Variants in CTSO observed in about 807,000 individuals in gnomAD.
CTSO encodes the protein cathepsin O.
CTSO carries 40 observed loss-of-function variants against 42.4 expected under a neutral mutation model. The observed-to-expected ratio is 0.94, with a 90% CI of 0.73 to 1.23. The LOEUF is 1.23. Among genes scored for constraint, CTSO ranks in the 50% most tolerant of loss-of-function variants. The pLI is 0.00. For synonymous variants in CTSO, 156 were observed against 146.2 expected (o/e 1.07, Z -0.48); for missense variants, 441 against 396.0 (o/e 1.11, Z -0.96).
At chr4:155,929,797 T>C (rs1483881815) in intron 5 of CTSO, 92 bp from the exon 6 acceptor site, 1 of 1,260,868 alleles carries the variant, frequency 7.9e-7, no homozygotes, top group Non-Finnish European at 1.1e-6. Flanking sequence ...TCTGAGTAGG[T>C]TTGGTTGCAG....
At position 155,925,782 on chromosome 4, in the gene CTSO, T is replaced by C. The variant is rs539635617; in HGVS notation, c.*254A>G. 6 of 430,800 alleles carry C rather than the reference T, an allele frequency of 1.4e-5. No individual in the cohort carries two copies. The highest frequency in any genetic ancestry group is 8.2e-5 in the African/African-American group (4 of 48,758). The allele number at this position is 430,800 out of a possible 1,614,324, so 26.7% of individuals were successfully genotyped here. On this transcript the variant is annotated 3_prime_UTR_variant, in exon 8 of 8. Transcript: ENST00000433477. ...GCCTAAAATATCTCCTAATCTGAATTTCGTCTCAGGACAGGAAACTATTCC... is the reference window on the plus strand; with the variant it reads ...GCCTAAAATATCTCCTAATCTGAATCTCGTCTCAGGACAGGAAACTATTCC...
At position 155,931,879 on chromosome 4, in the gene CTSO, T is replaced by C. The variant is rs1743240842; in HGVS notation, c.675-2174A>G. 2.0e-5 allele frequency among the ~76,000 whole-genome samples: 3 copies of C among 151,492 alleles called. No homozygotes were observed. The South Asian group carries it at 6.2e-4, about 31-fold the overall frequency. ...ATTATTATAATGAATGGAATAATAATAATAGTTCAAATAATTTTCCTAAAT... is the reference window on the plus strand; with the variant it reads ...ATTATTATAATGAATGGAATAATAACAATAGTTCAAATAATTTTCCTAAAT... On this transcript the variant is annotated intron_variant, in intron 5 of 7. Coordinates refer to ENST00000433477, the MANE Select transcript of CTSO (RefSeq NM_001334.3).
intron 5 of CTSO, among the ~76,000 whole-genome samples, chr4:155,936,019 G>A (rs1009579846): frequency 6.6e-6 from 1 of 151,232 alleles, no homozygotes; most frequent in Non-Finnish European, 1.5e-5. Context: ...CCATGATAAG[G>A]GATTCCCTTA....
In CTSO at chr4:155,939,064, C is replaced by T. The variant is rs576476648; in HGVS notation, c.552+307G>A. Among the ~76,000 whole-genome samples the T allele has an allele frequency of 2.0e-4, 31 of 152,008 alleles. No homozygotes were observed. In the South Asian group the frequency reaches 4.8e-3, roughly 23 times the overall value. Reference sequence around the variant, plus strand: ...TAAAAAAAATATATTCTCATCTTTCCGGGATATTATGAGATATTCAGATCT... The same window carrying T: ...TAAAAAAAATATATTCTCATCTTTCTGGGATATTATGAGATATTCAGATCT... On this transcript the variant is annotated intron_variant, in intron 4 of 7. Transcript: ENST00000433477.
chr4:155,949,187 G>C (rs2334112), intron 1 of CTSO, among the ~76,000 whole-genome samples: 135,425 of 152,194 alleles, frequency 0.89, 61,813 homozygotes, highest in East Asian at 1. Flanking sequence ...GCTAACATTA[G>C]CCCTCTTCAC....
chr4:155,934,360 C>T (rs1266050597), intron 5 of CTSO, among the ~76,000 whole-genome samples: 1 of 152,230 alleles, frequency 6.6e-6, no homozygotes, highest in Non-Finnish European at 1.5e-5. Context: ...GCAGGGCCCT[C>T]ATGGAAAACC....
At chr4:155,930,526 T>C (rs1432527032) in intron 5 of CTSO, among the ~76,000 whole-genome samples, 1 of 152,206 alleles carries the variant, frequency 6.6e-6, no homozygotes, top group Non-Finnish European at 1.5e-5. Context: ...CAAATCATTA[T>C]TTACACTTTT....
At chr4:155,934,386 CA>C in intron 5 of CTSO, among the ~76,000 whole-genome samples, 2 of 152,316 alleles carry the variant, frequency 1.3e-5, no homozygotes, top group Middle Eastern at 6.8e-3. Context: ...TAGCGCAGTG[CA>C]GAAGAAAAAT....
intron 2 of CTSO, 66 bp from the exon 3 acceptor site, chr4:155,942,522 C>CAT (rs1316283041): frequency 1.4e-6 from 1 of 702,650 alleles, no homozygotes; most frequent in Non-Finnish European, 1.9e-6. Context: ...TTATATATAT[C>CAT]ATATATATTT....
At chr4:155,932,881 A>C (rs1444002834) in intron 5 of CTSO, among the ~76,000 whole-genome samples, 2 of 152,056 alleles carry the variant, frequency 1.3e-5, no homozygotes, top group African/African-American at 2.4e-5. Context: ...TAGACTTTCA[A>C]GTTTCATTAA....
At chr4:155,928,620 C>G (rs1743173591) in intron 6 of CTSO, among the ~76,000 whole-genome samples, 192 bp from the exon 7 acceptor site, 1 of 152,108 alleles carries the variant, frequency 6.6e-6, no homozygotes, top group African/African-American at 2.4e-5. Context: ...CGGACACTCT[C>G]CAATCAGTAG....
At chr4:155,935,702 A>G (rs1743318164) in intron 5 of CTSO, among the ~76,000 whole-genome samples, 1 of 152,082 alleles carries the variant, frequency 6.6e-6, no homozygotes, top group Non-Finnish European at 1.5e-5. Context: ...GTCTGTCTCA[A>G]TTACTAATGA....
At chr4:155,941,624 A>G (rs1743431104) in intron 3 of CTSO, among the ~76,000 whole-genome samples, 1 of 151,984 alleles carries the variant, frequency 6.6e-6, no homozygotes, top group Admixed American at 6.6e-5. Flanking sequence ...CTTTTAAAAC[A>G]TATGTCATTG....
At chr4:155,943,355 T>C (rs1743475011) in intron 1 of CTSO, 91 bp from the exon 2 acceptor site, 3 of 679,660 alleles carry the variant, frequency 4.4e-6, no homozygotes, top group South Asian at 4.5e-5. Context: ...TTTTCAATTA[T>C]AAAGTTAAAG....
chr4:155,937,576 A>G (rs1743351713), intron 4 of CTSO, 93 bp from the exon 5 acceptor site: 4 of 1,142,570 alleles, frequency 3.5e-6, no homozygotes, highest in Non-Finnish European at 5.2e-6. Flanking sequence ...GTTCAATTTC[A>G]CACACCTTCA....
intron 1 of CTSO, among the ~76,000 whole-genome samples, chr4:155,947,119 C>T (rs1246530048): frequency 6.6e-6 from 1 of 152,188 alleles, no homozygotes; most frequent in Non-Finnish European, 1.5e-5. Context: ...CTCAGCCTCT[C>T]AGAGTGCTGG....
chr4:155,946,658 C>A (rs188214753), intron 1 of CTSO, among the ~76,000 whole-genome samples: 19 of 152,154 alleles, frequency 1.2e-4, no homozygotes, highest in Non-Finnish European at 1.5e-5. Flanking sequence ...CATTTCACAG[C>A]TCTCCATAGC....
Position 155,952,902 on chromosome 4 carries a change from A to G in CTSO, c.135+811T>C, listed in dbSNP as rs546981096. 3.3e-5 allele frequency among the ~76,000 whole-genome samples: 5 copies of G among 152,276 alleles called. No individual in the cohort carries two copies. In the South Asian group the frequency reaches 1.0e-3, roughly 32 times the overall value. On this transcript the variant is annotated intron_variant, in intron 1 of 7. Transcript: ENST00000433477. The stretch of plus-strand genomic sequence containing the variant: ...AATGGCATCTTTCATGAATTTAAAA[A>G]TGTGTTAAATAGTATCAGCTATCTA...
chr4:155,939,592 AAC>A, intron 3 of CTSO, 54 bp from the exon 4 acceptor site: 2 of 1,476,994 alleles, frequency 1.4e-6, no homozygotes. Flanking sequence ...TCAACTTACC[AAC>A]ATCTCTAAAT....
Sources: gnomAD v4.1 joint callset for allele counts (sites outside exome capture counted in the v4.1 genomes callset) on GRCh38, gnomAD v4.1.1 for gene constraint, MANE v1.5 for transcripts, NCBI Gene and HGNC (gene_info 2026-07-23, HGNC 2026-07-21) for gene names.